DLC1: variants seen among roughly 807,000 people sequenced by gnomAD.
DLC1 encodes DLC1 Rho GTPase activating protein.
DLC1 carries 54 observed loss-of-function variants against 140.3 expected under a neutral mutation model. That is an observed-to-expected ratio of 0.38 (90% CI 0.31 to 0.48). The LOEUF (loss-of-function observed/expected upper bound fraction) is 0.48, where lower values mean the gene tolerates loss of function less well. DLC1 is among the 20% of genes least tolerant of loss of function. DLC1 has a pLI of 0.96. For missense variants in DLC1, 2,536 were observed against 1,907.0 expected (o/e 1.33, Z -6.14); for synonymous variants, 986 against 728.1 (o/e 1.35, Z -5.70).
At chr8:13,151,036 C>A (rs765640645) in intron 5 of DLC1, among the ~76,000 whole-genome samples, 7 of 152,226 alleles carry the variant, frequency 4.6e-5, no homozygotes, top group Non-Finnish European at 5.9e-5. Context: ...GAGGTAATAA[C>A]TAGGAATTAC....
chr8:13,365,479 T>C (rs534252094), intron 4 of DLC1, among the ~76,000 whole-genome samples: 1 of 152,264 alleles, frequency 6.6e-6, no homozygotes, highest in Non-Finnish European at 1.5e-5. Context: ...TATCCTACTC[T>C]AGATGTGACC....
intron 5 of DLC1, among the ~76,000 whole-genome samples, chr8:13,200,864 T>C (rs148971413): frequency 4.9e-4 from 75 of 152,130 alleles, no homozygotes; most frequent in Admixed American, 8.5e-4. Context: ...CCCCAAACTA[T>C]TGGGGATACA....
At chr8:13,261,451 A>G (rs988093618) in intron 5 of DLC1, among the ~76,000 whole-genome samples, 1 of 152,134 alleles carries the variant, frequency 6.6e-6, no homozygotes, top group Non-Finnish European at 1.5e-5. Context: ...GTGTGAGGGA[A>G]AGATATTGGA....
chr8:13,508,503 T>C (rs570292475), intron 1 of DLC1, among the ~76,000 whole-genome samples: 6 of 151,636 alleles, frequency 4.0e-5, no homozygotes, highest in South Asian at 2.1e-4. Flanking sequence ...CTGCAAGCTC[T>C]GCCTCCCGAG....
At chr8:13,300,537 T>C (rs1420854868) in intron 5 of DLC1, among the ~76,000 whole-genome samples, 1 of 152,176 alleles carries the variant, frequency 6.6e-6, no homozygotes, top group Non-Finnish European at 1.5e-5. Flanking sequence ...CTCGTCCTCT[T>C]CGTGGCTGAA....
intron 1 of DLC1, among the ~76,000 whole-genome samples, chr8:13,548,666 G>A (rs533955025): frequency 1.3e-5 from 2 of 151,932 alleles, no homozygotes; most frequent in South Asian, 2.1e-4. Flanking sequence ...GCAATTCTAC[G>A]GATTTAATTG....
chr8:13,283,217 C>T (rs1831425676), intron 5 of DLC1, among the ~76,000 whole-genome samples: 1 of 151,894 alleles, frequency 6.6e-6, no homozygotes, highest in East Asian at 1.9e-4. Context: ...CAAAAGATTG[C>T]AGTGTCAACT....
intron 1 of DLC1, chr8:13,566,717 A>G (rs746342065): frequency 8.8e-6 from 4 of 455,110 alleles, no homozygotes; most frequent in Non-Finnish European, 1.6e-5. Flanking sequence ...GCAGGAGTGC[A>G]GAAGACAGGG....
chr8:13,567,685 G>C, intron 1 of DLC1: 1 of 1,551,960 alleles, frequency 6.4e-7, no homozygotes, highest in Non-Finnish European at 8.7e-7. Flanking sequence ...AGAGAGAATA[G>C]ATGAACATCT....
At chr8:13,563,109 T>C (rs564861686) in intron 1 of DLC1, among the ~76,000 whole-genome samples, 30 of 152,268 alleles carry the variant, frequency 2.0e-4, no homozygotes, top group Middle Eastern at 3.4e-3. Flanking sequence ...TCCTGCTCCT[T>C]TTTACTTTTT....
chr8:13,584,891 C>T (rs1279112525), intron 1 of DLC1, among the ~76,000 whole-genome samples: 1 of 152,160 alleles, frequency 6.6e-6, no homozygotes, highest in Non-Finnish European at 1.5e-5. Flanking sequence ...CCTTTCCCCA[C>T]TGTCTATTAT....
chr8:13,396,126 C>A (rs1441478190), intron 3 of DLC1, among the ~76,000 whole-genome samples: 10 of 140,180 alleles, frequency 7.1e-5, no homozygotes. Flanking sequence ...GTGGTGCGAT[C>A]TCTGCTCACT....
chr8:13,142,264 C>T (rs530401039), intron 5 of DLC1, among the ~76,000 whole-genome samples: 1 of 152,224 alleles, frequency 6.6e-6, no homozygotes, highest in South Asian at 2.1e-4. Context: ...GTGTGAAGAA[C>T]GGACTAATAC....
intron 5 of DLC1, among the ~76,000 whole-genome samples, chr8:13,215,470 C>T (rs1256225558): frequency 6.6e-6 from 1 of 152,116 alleles, no homozygotes; most frequent in Non-Finnish European, 1.5e-5. Context: ...TCTATAGTCA[C>T]AGCTACTTGG....
intron 4 of DLC1, among the ~76,000 whole-genome samples, chr8:13,315,783 G>A (rs985966900): frequency 2.6e-5 from 4 of 152,138 alleles, no homozygotes; most frequent in African/African-American, 7.2e-5. Flanking sequence ...ATATGCTCAG[G>A]TTTGCCTGGG....
At chr8:13,195,160 T>A (rs6998451) in intron 5 of DLC1, among the ~76,000 whole-genome samples, 69,809 of 152,114 alleles carry the variant, frequency 0.46, 16,622 homozygotes, top group East Asian at 0.84. Flanking sequence ...ATGATATTCC[T>A]TCACATGGGA....
At chr8:13,262,078 G>A (rs186749249) in intron 5 of DLC1, among the ~76,000 whole-genome samples, 279 of 152,180 alleles carry the variant, frequency 1.8e-3, no homozygotes, top group Middle Eastern at 3.4e-3. Context: ...CCCTCTCTTG[G>A]GGTAAGAGTG....
chr8:13,109,849 C>A (rs1388639485), intron 7 of DLC1, among the ~76,000 whole-genome samples: 1 of 151,996 alleles, frequency 6.6e-6, no homozygotes, highest in Admixed American at 6.6e-5. Flanking sequence ...CACGCCACTG[C>A]ACTCCAGCCT....
chr8:13,257,595 G>A (rs1303639092), intron 5 of DLC1, among the ~76,000 whole-genome samples: 2 of 151,878 alleles, frequency 1.3e-5, no homozygotes, highest in African/African-American at 2.4e-5. Context: ...GCAGATTCTC[G>A]ACTAATAAAA....
Sources: allele counts gnomAD v4.1 joint callset (sites outside exome capture counted in the v4.1 genomes callset), GRCh38; gene constraint gnomAD v4.1.1; transcripts MANE v1.5; gene names NCBI Gene and HGNC (gene_info 2026-07-23, HGNC 2026-07-21).